Variants in STAB2 observed in about 807,000 individuals in gnomAD.
STAB2 encodes the protein stabilin 2, also known as stabilin-2.
A neutral mutation model predicts 338.1 loss-of-function variants in STAB2; 288 were observed. The observed-to-expected ratio is 0.85, with a 90% CI of 0.77 to 0.94. The LOEUF is 0.94. Among genes scored for constraint, STAB2 ranks in the 40% least tolerant of loss-of-function variants. The pLI is 0.00. For missense variants in STAB2, 3,141 were observed against 3,210.1 expected (o/e 0.98, Z 0.52); for synonymous variants, 1,202 against 1,193.3 (o/e 1.01, Z -0.15).
At chr12:103,653,434 G>C (rs2138737624) in intron 12 of STAB2, among the ~76,000 whole-genome samples, 1 of 152,306 alleles carries the variant, frequency 6.6e-6, no homozygotes, top group East Asian at 1.9e-4. Context: ...AAAGAAGAGA[G>C]GCCACACAGT....
chr12:103,742,493 C>A lies in STAB2; in HGVS notation c.5970C>A (p.Thr1990=). Residue 1990 remains threonine (T), a synonymous_variant, in exon 56 of 69, where the codon ACC becomes ACA. Transcript: ENST00000388887. ...CCACCGGAGAGTGTAAATGCAACAC[C>A]GGCTTCAATGGGACGGCGTGTGAGA... ...YSATGECKCN[T]GFNGTACEMC... 1 of 1,614,092 alleles carries A rather than the reference C, an allele frequency of 6.2e-7. No homozygotes were observed. Among genetic ancestry groups the A allele is most frequent in the Non-Finnish European group, 8.5e-7 (1 of 1,180,024 alleles).
chr12:103,607,376 T>G (rs1341996821), intron 3 of STAB2, among the ~76,000 whole-genome samples: 2 of 112,316 alleles, frequency 1.8e-5, no homozygotes, highest in East Asian at 6.4e-4. Flanking sequence ...TTTGGTTTTT[T>G]GTTCTTTTTT....
intron 15 of STAB2, chr12:103,657,770 C>G (rs1431660928): frequency 6.6e-6 from 1 of 152,190 alleles, no homozygotes; most frequent in African/African-American, 2.4e-5. Flanking sequence ...ACAATCATTT[C>G]TGCTTCTTTC....
At chr12:103,603,193 C>A (rs1423346949) in intron 3 of STAB2, among the ~76,000 whole-genome samples, 2 of 152,134 alleles carry the variant, frequency 1.3e-5, no homozygotes, top group Non-Finnish European at 2.9e-5. Flanking sequence ...GTCTCAGCCT[C>A]CCGAGTAGCT....
chr12:103,630,428 T>C (rs1957442019), intron 5 of STAB2, among the ~76,000 whole-genome samples: 1 of 152,212 alleles, frequency 6.6e-6, no homozygotes, highest in Admixed American at 6.5e-5. Context: ...TTGGCTTACG[T>C]GCACCGAAGA....
rs1287595182 is a variant in STAB2, at chr12:103,763,552, C to A, written c.7549C>A (p.Pro2517Thr). ...GCAGCAGCCTGAGAATATCTCGAACCCCTTGTATGAGAGCACAACCTCAGC... is the reference window on the plus strand; with the variant it reads ...GCAGCAGCCTGAGAATATCTCGAACACCTTGTATGAGAGCACAACCTCAGC... The part of the protein sequence containing the change: ...GKQQPENISN[P>T]LYESTTSAPP... The change falls in exon 68 of 69, where the codon CCC becomes ACC. Residue 2517 changes from proline (P) to threonine (T), a missense_variant. Transcript: ENST00000388887. 1 of 1,613,936 alleles carries A rather than the reference C, an allele frequency of 6.2e-7. No homozygotes were observed. The highest frequency in any genetic ancestry group is 1.3e-5 in the African/African-American group (1 of 74,878).
chr12:103,646,169 C>T (rs183668016), intron 9 of STAB2, among the ~76,000 whole-genome samples: 116 of 152,200 alleles, frequency 7.6e-4, no homozygotes, highest in African/African-American at 2.7e-3. Context: ...GGGAAAACTC[C>T]AGAAAGAAAA....
chr12:103,668,892 C>T, intron 20 of STAB2, 163 bp downstream of exon 20: 1 of 602,486 alleles, frequency 1.7e-6, no homozygotes, highest in Admixed American at 3.1e-5. Flanking sequence ...TGGCCAGACT[C>T]TGTCCTTTCC....
At position 103,766,657 on chromosome 12, in the gene STAB2, G is replaced by A; in HGVS notation, c.*321G>A. The A allele has an allele frequency of 3.3e-6, 1 of 301,226 alleles. No individual in the cohort carries two copies. The highest frequency in any genetic ancestry group is 6.3e-6 in the Non-Finnish European group (1 of 158,530). 18.7% of individuals were successfully genotyped at this position (301,226 alleles called of 1,614,324 possible). On this transcript the variant is annotated 3_prime_UTR_variant, in exon 69 of 69. Transcript: ENST00000388887. ...TGTAAGCCTCCGTCTTTGTATCCCA[G>A]CCCCTAGCCCAGTGCCTGACACAGG... is the stretch of plus-strand genomic sequence containing the variant.
chr12:103,594,114 C>T (rs1956839712), intron 2 of STAB2, among the ~76,000 whole-genome samples: 1 of 152,160 alleles, frequency 6.6e-6, no homozygotes, highest in South Asian at 2.1e-4. Context: ...TAGCATGTGC[C>T]TAAGCCTTAA....
chr12:103,588,744 A>T (rs1956751536), intron 1 of STAB2, among the ~76,000 whole-genome samples: 1 of 152,184 alleles, frequency 6.6e-6, no homozygotes, highest in Non-Finnish European at 1.5e-5. Context: ...GTAACCCCAC[A>T]TACTTATCCA....
intron 35 of STAB2, 33 bp downstream of exon 35, chr12:103,703,309 C>G (rs148413894): frequency 4.4e-6 from 7 of 1,601,720 alleles, no homozygotes; most frequent in Non-Finnish European, 5.9e-6. Context: ...AGTGATGGAA[C>G]TAATGAATAT....
At chr12:103,748,584 CCA>C (rs34364589) in intron 58 of STAB2, among the ~76,000 whole-genome samples, 44,323 of 141,832 alleles carry the variant, frequency 0.31, 7,503 homozygotes, top group East Asian at 0.52. Context: ...TAACTCTACA[CCA>C]CACACACACA....
chr12:103,596,310 C>T (rs1280101382), intron 3 of STAB2, among the ~76,000 whole-genome samples: 1 of 152,158 alleles, frequency 6.6e-6, no homozygotes, highest in Admixed American at 6.5e-5. Flanking sequence ...CAAGGAACGG[C>T]TTTGTCAAAG....
intron 2 of STAB2, among the ~76,000 whole-genome samples, chr12:103,592,486 C>T (rs1169293911): frequency 6.6e-6 from 1 of 152,120 alleles, no homozygotes; most frequent in African/African-American, 2.4e-5. Flanking sequence ...TTCATCTATG[C>T]TGGAACAAAC....
intron 9 of STAB2, 139 bp from the exon 10 acceptor site, chr12:103,648,551 C>A: frequency 9.2e-7 from 1 of 1,090,562 alleles, no homozygotes; most frequent in Non-Finnish European, 1.3e-6. Flanking sequence ...ATGTCAGATA[C>A]CACACTAGGA....
chr12:103,650,984 A>G (rs1026564812), intron 11 of STAB2, among the ~76,000 whole-genome samples: 4 of 152,230 alleles, frequency 2.6e-5, no homozygotes, highest in African/African-American at 9.6e-5. Context: ...TTAGCTAGAT[A>G]TGTGGGTTTT....
chr12:103,660,455 T>A, intron 16 of STAB2, 71 bp downstream of exon 16: 1 of 1,550,204 alleles, frequency 6.5e-7, no homozygotes, highest in Non-Finnish European at 8.9e-7. Context: ...TGAATTCCAA[T>A]ATTTTGACGC....
At chr12:103,647,403 C>G (rs1209418620) in intron 9 of STAB2, among the ~76,000 whole-genome samples, 1 of 152,096 alleles carries the variant, frequency 6.6e-6, no homozygotes, top group African/African-American at 2.4e-5. Context: ...GTGGTGTGAG[C>G]ACTGCAAAAC....
Sources: gnomAD v4.1 joint callset for allele counts (sites outside exome capture counted in the v4.1 genomes callset) on GRCh38, gnomAD v4.1.1 for gene constraint, MANE v1.5 for transcripts, NCBI Gene and HGNC (gene_info 2026-07-23, HGNC 2026-07-21) for gene names.